Variants in DLGAP1 observed in about 807,000 individuals in gnomAD.
The protein encoded by DLGAP1 is DLG associated protein 1.
DLGAP1 carries 11 observed loss-of-function variants against 90.8 expected under a neutral mutation model. The ratio of observed to expected loss-of-function variants is 0.12; its 90% CI spans 0.08 to 0.20. The LOEUF (loss-of-function observed/expected upper bound fraction) is 0.20. DLGAP1 is among the 10% of genes least tolerant of loss of function. The probability of loss-of-function intolerance (pLI) is 1.00; values close to 1 mark genes in which losing one functional copy is unlikely to be tolerated. For synonymous variants in DLGAP1, 558 were observed against 540.7 expected, an observed-to-expected ratio of 1.03 and a Z score of -0.44; for missense variants, 1,050 against 1,333.8, an observed-to-expected ratio of 0.79 and a Z score of 3.31.
At chr18:3,651,915 G>T (rs112093093) in intron 7 of DLGAP1, among the ~76,000 whole-genome samples, 2 of 151,972 alleles carry the variant, frequency 1.3e-5, no homozygotes, top group African/African-American at 4.8e-5. Context: ...AGGTTGCAGC[G>T]AGCCGAGATC....
chr18:4,268,399 G>C (rs2145329638), intron 1 of DLGAP1, among the ~76,000 whole-genome samples: 1 of 152,266 alleles, frequency 6.6e-6, no homozygotes, highest in African/African-American at 2.4e-5. Flanking sequence ...GAATAAAAGA[G>C]AAAGGGAGAT....
chr18:4,432,631 G>GA (rs2083314274), intron 1 of DLGAP1, among the ~76,000 whole-genome samples: 1 of 96,278 alleles, frequency 1.0e-5, no homozygotes, highest in Non-Finnish European at 2.3e-5. Flanking sequence ...TGTGTGGTGA[G>GA]AATATTTAAG....
intron 2 of DLGAP1, among the ~76,000 whole-genome samples, chr18:4,055,270 T>C (rs1421402766): frequency 6.6e-6 from 1 of 152,180 alleles, no homozygotes; most frequent in Admixed American, 6.5e-5. Context: ...TCCTGATGTA[T>C]CTTTTTCATT....
intron 4 of DLGAP1, among the ~76,000 whole-genome samples, chr18:3,877,930 G>T (rs1265394284): frequency 1.3e-5 from 2 of 152,116 alleles, no homozygotes; most frequent in Non-Finnish European, 2.9e-5. Flanking sequence ...TGTGCTGGTG[G>T]CTTCTTCTGA....
intron 8 of DLGAP1, chr18:3,580,477 T>C: frequency 6.2e-7 from 1 of 1,610,768 alleles, no homozygotes. Flanking sequence ...ACCTCTTCAT[T>C]GTCCACAAGG....
chr18:3,663,951 G>A (rs975229840), intron 7 of DLGAP1, among the ~76,000 whole-genome samples: 2 of 152,172 alleles, frequency 1.3e-5, no homozygotes, highest in African/African-American at 2.4e-5. Flanking sequence ...ATGAGTTGAA[G>A]TCCTGAATAG....
chr18:4,366,824 C>T (rs1045401335), intron 1 of DLGAP1, among the ~76,000 whole-genome samples: 1 of 151,680 alleles, frequency 6.6e-6, no homozygotes, highest in Admixed American at 6.6e-5. Flanking sequence ...TAGAGCATAT[C>T]TAGAGGCTGT....
intron 7 of DLGAP1, among the ~76,000 whole-genome samples, chr18:3,600,477 C>G (rs1383378665): frequency 5.3e-5 from 8 of 152,068 alleles, no homozygotes; most frequent in African/African-American, 1.9e-4. Context: ...CTCAGGTGAT[C>G]CACCTGCCTC....
Position 3,944,816 on chromosome 18 carries a change from C to T in DLGAP1, c.-73+60300G>A, listed in dbSNP as rs554348473. Among the ~76,000 whole-genome samples, 308 of 152,212 alleles carry T rather than the reference C, an allele frequency of 2.0e-3. 3 individuals carry two copies. The highest frequency in any genetic ancestry group is 7.2e-3 in the African/African-American group (299 of 41,524). On this transcript the variant is annotated intron_variant, in intron 3 of 12. Transcript: ENST00000315677. Reference sequence around the variant, plus strand: ...TGGGCCTTTGAGGTGGATGGAAGGACATACCTAAAAATGGAGAAACTCACC... The same window carrying T: ...TGGGCCTTTGAGGTGGATGGAAGGATATACCTAAAAATGGAGAAACTCACC...
At chr18:3,684,356 ATTTTTT>A (rs71160911) in intron 7 of DLGAP1, among the ~76,000 whole-genome samples, 2 of 109,268 alleles carry the variant, frequency 1.8e-5, no homozygotes, top group African/African-American at 7.4e-5. Flanking sequence ...TGCCTGGCTA[ATTTTTT>A]TTTTTTTTTT....
intron 3 of DLGAP1, chr18:3,995,734 A>C (rs1599291013): frequency 1.3e-5 from 2 of 151,912 alleles, no homozygotes; most frequent in South Asian, 4.2e-4. Flanking sequence ...AAAAAAAAAA[A>C]ACCACCAAGA....
intron 1 of DLGAP1, among the ~76,000 whole-genome samples, chr18:4,178,251 ACAC>A (rs1340978482): frequency 2.1e-5 from 3 of 143,510 alleles, no homozygotes; most frequent in African/African-American, 5.3e-5. Context: ...ACACACACAC[ACAC>A]ATTAGAGATA....
At chr18:3,625,714 A>G (rs984030071) in intron 7 of DLGAP1, among the ~76,000 whole-genome samples, 6 of 152,200 alleles carry the variant, frequency 3.9e-5, no homozygotes, top group Non-Finnish European at 7.3e-5. Flanking sequence ...ATGTTAGTTC[A>G]GAAAGCATTT....
chr18:4,415,601 T>G (rs1000621088), intron 1 of DLGAP1, among the ~76,000 whole-genome samples: 3 of 152,214 alleles, frequency 2.0e-5, no homozygotes, highest in African/African-American at 7.2e-5. Context: ...TTGGTTCACT[T>G]ATTTTCTACT....
In DLGAP1 at chr18:4,097,501, C is replaced by T. The variant is rs548455407; in HGVS notation, c.-159+53679G>A. ...CCTGCAATGTGGATGTAGTCATCCT[C>T]CATTTTTCCTTCCCTTCTGCCTCCA... On this transcript the variant is annotated intron_variant, in intron 2 of 12. Coordinates refer to ENST00000315677, the MANE Select transcript of DLGAP1 (RefSeq NM_004746.4). 1.6e-3 allele frequency among the ~76,000 whole-genome samples: 243 copies of T among 152,338 alleles called. 2 individuals carry two copies. Among genetic ancestry groups the T allele is most frequent in the African/African-American group, 5.5e-3 (229 of 41,586 alleles).
intron 7 of DLGAP1, among the ~76,000 whole-genome samples, chr18:3,608,838 G>A (rs2057451870): frequency 6.6e-6 from 1 of 152,020 alleles, no homozygotes; most frequent in East Asian, 1.9e-4. Context: ...TCCAAAGTCT[G>A]AAACTTTTCA....
chr18:3,812,211 A>G (rs1337636531), intron 5 of DLGAP1, among the ~76,000 whole-genome samples: 2 of 152,178 alleles, frequency 1.3e-5, no homozygotes, highest in South Asian at 2.1e-4. Context: ...TAAGGTCCAT[A>G]GAAGAATTTT....
chr18:4,426,325 C>G lies in DLGAP1; in HGVS notation c.-267+28681G>C, dbSNP rs536041225. On this transcript the variant is annotated intron_variant, in intron 1 of 12. Coordinates refer to ENST00000315677, the MANE Select transcript of DLGAP1 (RefSeq NM_004746.4). ...CCTTAAAAAGTTCTCCCCAAATGGT[C>G]TTGATAAAGGATTGTCTTATTCATG... Among the ~76,000 whole-genome samples the G allele has an allele frequency of 7.9e-5, 12 of 152,294 alleles. No individual in the cohort carries two copies. In the East Asian group the frequency reaches 1.7e-3, roughly 22 times the overall value.
intron 1 of DLGAP1, among the ~76,000 whole-genome samples, chr18:4,155,524 G>A (rs1012427232): frequency 6.6e-6 from 1 of 152,116 alleles, no homozygotes; most frequent in African/African-American, 2.4e-5. Context: ...TTGCTGTTTA[G>A]TATATTTTCT....
Sources: allele counts gnomAD v4.1 joint callset (sites outside exome capture counted in the v4.1 genomes callset), GRCh38; gene constraint gnomAD v4.1.1; transcripts MANE v1.5; gene names NCBI Gene and HGNC (gene_info 2026-07-23, HGNC 2026-07-21).